The following GAREM1 variants were observed in gnomAD, a reference collection of about 807,000 sequenced individuals.
The protein encoded by GAREM1 is GRB2 associated regulator of MAPK1 subtype 1.
A neutral mutation model predicts 71.3 loss-of-function variants in GAREM1; 26 were observed. The observed-to-expected ratio is 0.36, with a 90% CI of 0.27 to 0.51. The LOEUF (loss-of-function observed/expected upper bound fraction) is 0.51. GAREM1 is among the 20% of genes least tolerant of loss of function. The pLI, the probability that GAREM1 is intolerant of heterozygous loss-of-function variation, is 0.95. For synonymous variants in GAREM1, 440 were observed against 433.2 expected (o/e 1.02, Z -0.20); for missense variants, 1,026 against 1,103.1 (o/e 0.93, Z 0.99).
At chr18:32,340,467 C>T (rs10502587) in intron 2 of GAREM1, among the ~76,000 whole-genome samples, 15,958 of 151,962 alleles carry the variant, frequency 0.11, 928 homozygotes, top group East Asian at 0.16. Flanking sequence ...TGGCATGACT[C>T]GGGTCCAGAA....
At chr18:32,347,728 T>C (rs2047709935) in intron 2 of GAREM1, among the ~76,000 whole-genome samples, 1 of 152,210 alleles carries the variant, frequency 6.6e-6, no homozygotes, top group Non-Finnish European at 1.5e-5. Context: ...ATACAATGCA[T>C]AAAAGTGGGA....
At chr18:32,465,262 GAA>G (rs2048988675) in intron 1 of GAREM1, among the ~76,000 whole-genome samples, 1 of 152,114 alleles carries the variant, frequency 6.6e-6, no homozygotes, top group Non-Finnish European at 1.5e-5. Flanking sequence ...AAAAGAAAAA[GAA>G]AAAGACATCA....
chr18:32,404,983 T>A (rs1198132173), intron 1 of GAREM1, among the ~76,000 whole-genome samples: 1 of 152,252 alleles, frequency 6.6e-6, no homozygotes, highest in Non-Finnish European at 1.5e-5. Flanking sequence ...CTAAGATTTC[T>A]GTGTTGGCAC....
At chr18:32,311,750 AAGTT>A (rs1403673962) in intron 2 of GAREM1, among the ~76,000 whole-genome samples, 3 of 152,192 alleles carry the variant, frequency 2.0e-5, no homozygotes, top group African/African-American at 2.4e-5. Flanking sequence ...AGGGGAAAGA[AAGTT>A]AGAGCAGTAG....
chr18:32,344,450 T>C (rs1189467725), intron 2 of GAREM1, among the ~76,000 whole-genome samples: 1 of 152,152 alleles, frequency 6.6e-6, no homozygotes, highest in African/African-American at 2.4e-5. Context: ...CATGTTGCAT[T>C]AATGTTTGGA....
intron 3 of GAREM1, among the ~76,000 whole-genome samples, chr18:32,296,855 T>C (rs1408585580): frequency 6.6e-6 from 1 of 152,144 alleles, no homozygotes; most frequent in African/African-American, 2.4e-5. Flanking sequence ...GTTTCAGTTA[T>C]TTTATTCTCT....
rs11370938 is a variant in GAREM1 at position 32,309,615 on chromosome 18, C to CAAAAAAAA, written c.393+570_393+577dup. Among the ~76,000 whole-genome samples, 18 of 13,862 alleles carry CAAAAAAAA rather than the reference C, an allele frequency of 1.3e-3. 1 individual carries two copies. The highest frequency in any genetic ancestry group is 2.1e-3 in the African/African-American group (7 of 3,322). The allele number at this position is 13,862 out of a possible 152,430, so 9.1% of individuals were successfully genotyped here. On this transcript the variant is annotated intron_variant, in intron 3 of 5. Coordinates refer to ENST00000269209, the MANE Select transcript of GAREM1 (RefSeq NM_001242409.2). Reference sequence around the variant, plus strand: ...TGGGTGACAGAGCAAGACTCAGTCTCAAAAAAAAAAAAAAAAAAAAAAAAA... The same window carrying CAAAAAAAA: ...TGGGTGACAGAGCAAGACTCAGTCTCAAAAAAAAAAAAAAAAAAAAAAAAAAAAAAAAA...
At chr18:32,355,278 AAACAACTCAC>A (rs2047792914) in intron 2 of GAREM1, among the ~76,000 whole-genome samples, 1 of 152,202 alleles carries the variant, frequency 6.6e-6, no homozygotes. Flanking sequence ...CCTATTTAAA[AAACAACTCAC>A]AAAGCAAGAG....
At chr18:32,413,571 G>T (rs1315912014) in intron 1 of GAREM1, among the ~76,000 whole-genome samples, 1 of 151,940 alleles carries the variant, frequency 6.6e-6, no homozygotes, top group Non-Finnish European at 1.5e-5. Flanking sequence ...AGTTCAACAT[G>T]AAAGGACACT....
rs757104286 is a variant in GAREM1, at chr18:32,287,831, G to C, written c.766C>G (p.Pro256Ala). ...AAGTGGAGGTCGTATGGGTTTCTCG[G>C]TGGAGGGCTTGGCACAGTCACATTC... ...PVNVTVPSPP[P>A]RNPYDLHFIR... The change falls in exon 4 of 6, where the codon CCG becomes GCG. Residue 256 changes from proline to alanine, a missense_variant. Coordinates refer to ENST00000269209, the MANE Select transcript of GAREM1 (RefSeq NM_001242409.2). The surrounding 1 kb of genome is among the most constrained non-coding windows in gnomAD (Gnocchi z 5.9). The C allele has an allele frequency of 6.2e-7, 1 of 1,613,920 alleles. No homozygotes were observed. The highest frequency in any genetic ancestry group is 1.7e-5 in the Admixed American group (1 of 60,018).
intron 1 of GAREM1, among the ~76,000 whole-genome samples, chr18:32,457,226 A>AGAGAGAGAGAGT (rs1555648709): frequency 2.4e-5 from 2 of 81,926 alleles, no homozygotes; most frequent in African/African-American, 8.4e-5. Flanking sequence ...AGAGAGAGAG[A>AGAGAGAGAGAGT]GTGTGTGTGT....
chr18:32,318,900 A>C (rs1431413193), intron 2 of GAREM1, among the ~76,000 whole-genome samples: 1 of 152,200 alleles, frequency 6.6e-6, no homozygotes, highest in East Asian at 1.9e-4. Context: ...AAAGAAAGCA[A>C]GAGCAACAGA....
At chr18:32,433,192 T>G (rs576908336) in intron 1 of GAREM1, among the ~76,000 whole-genome samples, 2 of 150,328 alleles carry the variant, frequency 1.3e-5, no homozygotes, top group Admixed American at 1.3e-4. Context: ...TATCAATTGA[T>G]GTAGAAAAAA....
At chr18:32,397,839 A>G (rs182157662) in intron 1 of GAREM1, among the ~76,000 whole-genome samples, 7,029 of 152,198 alleles carry the variant, frequency 0.046, 245 homozygotes, top group East Asian at 0.11. Context: ...AGAACTCTCC[A>G]CCCCAAATTA....
intron 4 of GAREM1, among the ~76,000 whole-genome samples, chr18:32,270,749 G>T (rs2041449074): frequency 6.6e-6 from 1 of 152,064 alleles, no homozygotes; most frequent in African/African-American, 2.4e-5. Flanking sequence ...AAGAACGTAA[G>T]GCATTCACAA....
chr18:32,421,664 C>T (rs2144240743), intron 1 of GAREM1, among the ~76,000 whole-genome samples: 1 of 152,252 alleles, frequency 6.6e-6, no homozygotes, highest in South Asian at 2.1e-4. Context: ...TATCTCAGGC[C>T]TCCATGTTTT....
At chr18:32,388,936 TAA>T in intron 2 of GAREM1, among the ~76,000 whole-genome samples, 1 of 152,290 alleles carries the variant, frequency 6.6e-6, no homozygotes, top group Non-Finnish European at 1.5e-5. Flanking sequence ...TGTGGTTATA[TAA>T]GAGGATATCC....
Position 32,380,123 on chromosome 18 carries a change from G to A in GAREM1, c.262+12772C>T, listed in dbSNP as rs183731269. ...CACAGTGTGTACAGAAAGTAATGTC[G>A]ATTAATAATCTGTGGAACATTTTTC... On this transcript the variant is annotated intron_variant, in intron 2 of 5. Transcript: ENST00000269209. 1.5e-4 allele frequency among the ~76,000 whole-genome samples: 23 copies of A among 152,220 alleles called. No homozygotes were observed. In the East Asian group the frequency reaches 3.9e-3, roughly 26 times the overall value.
intron 2 of GAREM1, among the ~76,000 whole-genome samples, chr18:32,366,205 A>G (rs1178675521): frequency 6.6e-6 from 1 of 152,112 alleles, no homozygotes; most frequent in African/African-American, 2.4e-5. Context: ...AACTCTACCT[A>G]GTACCAGCTA....
Sources: allele counts gnomAD v4.1 joint callset (sites outside exome capture counted in the v4.1 genomes callset), GRCh38; gene constraint gnomAD v4.1.1; non-coding constraint Gnocchi (gnomAD v3.1); transcripts MANE v1.5; gene names NCBI Gene and HGNC (gene_info 2026-07-23, HGNC 2026-07-21).